The following NRXN1 variants were observed in gnomAD, a reference collection of about 807,000 sequenced individuals.
NRXN1 encodes neurexin 1, also known as neurexin-1.
A neutral mutation model predicts 150.9 loss-of-function variants in NRXN1; 39 were observed. The observed-to-expected ratio is 0.26, with a 90% CI of 0.20 to 0.34. NRXN1 has a LOEUF of 0.34. Among genes scored for constraint, NRXN1 ranks in the 10% least tolerant of loss-of-function variants. The pLI is 1.00. For missense variants in NRXN1, 1,815 were observed against 1,949.9 expected (o/e 0.93, Z 1.30); for synonymous variants, 924 against 757.0 (o/e 1.22, Z -3.62).
intron 21 of NRXN1, among the ~76,000 whole-genome samples, chr2:50,031,199 T>C (rs1319247359): frequency 3.3e-5 from 5 of 152,052 alleles, no homozygotes; most frequent in Admixed American, 3.3e-4. Flanking sequence ...GACTAAAGTA[T>C]ACAATTTTAT....
At chr2:50,803,999 C>T (rs1035882647) in intron 5 of NRXN1, among the ~76,000 whole-genome samples, 7 of 152,126 alleles carry the variant, frequency 4.6e-5, no homozygotes, top group Non-Finnish European at 8.8e-5. Flanking sequence ...TGGGTCAACA[C>T]TTAAAGTATA....
intron 19 of NRXN1, among the ~76,000 whole-genome samples, chr2:50,068,062 G>A (rs564954581): frequency 4.6e-5 from 7 of 152,242 alleles, no homozygotes; most frequent in Admixed American, 3.9e-4. Context: ...ATGGAACTGC[G>A]AAAGTTCCCT....
chr2:49,989,291 T>C (rs1161263039), intron 21 of NRXN1, among the ~76,000 whole-genome samples: 2 of 152,186 alleles, frequency 1.3e-5, no homozygotes, highest in African/African-American at 4.8e-5. Flanking sequence ...TTATTAAATT[T>C]CCATGTCAAA....
At chr2:50,160,402 A>G (rs1301708242) in intron 18 of NRXN1, among the ~76,000 whole-genome samples, 1 of 151,996 alleles carries the variant, frequency 6.6e-6, no homozygotes, top group African/African-American at 2.4e-5. Context: ...TTAGCTGGGC[A>G]TGGTGATGCA....
In NRXN1 at chr2:50,623,601, T is replaced by C. The variant is rs748218169; in HGVS notation, c.847A>G (p.Ile283Val). The change falls in exon 6 of 23, where the codon ATT becomes GTT. Residue 283 changes from isoleucine (I) to valine (V), a missense_variant. This residue lies in a region of NRXN1 where 554 missense variants were observed against 478.8 expected (regional missense o/e 1.16). Coordinates refer to ENST00000401669, the MANE Select transcript of NRXN1 (RefSeq NM_001330078.2). ...QGKSKGKEEY[I>V]ATFKGSEYFC... The stretch of plus-strand genomic sequence containing the variant: ...TATTCAGATCCTTTGAACGTGGCAA[T>C]ATATTCTTCTTTTCCTAGAGGAAAA... 2.1e-5 allele frequency: 33 copies of C among 1,609,366 alleles called. No homozygotes were observed. In the Admixed American group the frequency reaches 3.8e-4, roughly 19 times the overall value.
At chr2:50,082,635 T>A (rs1416658962) in intron 19 of NRXN1, among the ~76,000 whole-genome samples, 1 of 152,238 alleles carries the variant, frequency 6.6e-6, no homozygotes, top group African/African-American at 2.4e-5. Context: ...TTTTTATTGA[T>A]TAAATGTTTC....
chr2:50,718,930 T>C (rs1268803932), intron 5 of NRXN1, among the ~76,000 whole-genome samples: 4 of 151,944 alleles, frequency 2.6e-5, no homozygotes, highest in Non-Finnish European at 1.5e-5. Flanking sequence ...AAACCTCTGC[T>C]TTAGGATGCG....
intron 5 of NRXN1, among the ~76,000 whole-genome samples, chr2:50,658,551 C>A (rs1011286660): frequency 6.6e-6 from 1 of 151,820 alleles, no homozygotes; most frequent in African/African-American, 2.4e-5. Context: ...CACTTCCTGG[C>A]AATTTTTCTG....
chr2:50,756,257 C>A (rs578201408), intron 5 of NRXN1, among the ~76,000 whole-genome samples: 1 of 151,720 alleles, frequency 6.6e-6, no homozygotes, highest in Non-Finnish European at 1.5e-5. Flanking sequence ...GGTATGGCTT[C>A]ACCTAAAATA....
chr2:50,964,533 G>T (rs562461397), intron 2 of NRXN1, among the ~76,000 whole-genome samples: 18 of 151,482 alleles, frequency 1.2e-4, no homozygotes, highest in African/African-American at 4.3e-4. Context: ...CTAACTTACA[G>T]ATATTCAGAT....
At chr2:50,066,751 A>C (rs1695426744) in intron 19 of NRXN1, among the ~76,000 whole-genome samples, 1 of 152,228 alleles carries the variant, frequency 6.6e-6, no homozygotes, top group Admixed American at 6.5e-5. Context: ...TGCACTGAAA[A>C]TCGGCAAGAA....
intron 8 of NRXN1, among the ~76,000 whole-genome samples, chr2:50,560,593 C>T (rs557431214): frequency 2.6e-5 from 4 of 152,106 alleles, no homozygotes; most frequent in African/African-American, 7.2e-5. Context: ...CTACCACGCC[C>T]GGTTAATTTT....
chr2:50,862,716 T>G (rs551428817), intron 5 of NRXN1, among the ~76,000 whole-genome samples: 1 of 152,204 alleles, frequency 6.6e-6, no homozygotes, highest in Admixed American at 6.5e-5. Flanking sequence ...CTTTACATAT[T>G]TGCTTTCAAT....
chr2:50,007,628 T>C (rs940711694), intron 21 of NRXN1, among the ~76,000 whole-genome samples: 4 of 152,170 alleles, frequency 2.6e-5, no homozygotes, highest in Non-Finnish European at 4.4e-5. Context: ...ATCCAGTCTA[T>C]CATTGATGGA....
intron 17 of NRXN1, among the ~76,000 whole-genome samples, chr2:50,335,341 T>A (rs1027633711): frequency 3.9e-5 from 6 of 152,286 alleles, no homozygotes; most frequent in Non-Finnish European, 8.8e-5. Context: ...ATGGCCACAG[T>A]AAAGGAAGTG....
intron 18 of NRXN1, among the ~76,000 whole-genome samples, chr2:50,194,120 G>C (rs1288556078): frequency 6.6e-6 from 1 of 152,030 alleles, no homozygotes; most frequent in African/African-American, 2.4e-5. Context: ...AGACCCAGGT[G>C]GTCTGGTTCT....
At chr2:50,078,051 A>G (rs993350660) in intron 19 of NRXN1, among the ~76,000 whole-genome samples, 1 of 152,098 alleles carries the variant, frequency 6.6e-6, no homozygotes, top group Non-Finnish European at 1.5e-5. Context: ...ATCATAATTT[A>G]AATTTTAATA....
At chr2:50,024,762 A>T (rs907718190) in intron 21 of NRXN1, among the ~76,000 whole-genome samples, 2 of 152,040 alleles carry the variant, frequency 1.3e-5, no homozygotes, top group African/African-American at 4.8e-5. Flanking sequence ...TTACAGGTGC[A>T]CACCACCACT....
At chr2:50,587,172 T>A (rs957478831) in intron 8 of NRXN1, among the ~76,000 whole-genome samples, 14 of 152,310 alleles carry the variant, frequency 9.2e-5, no homozygotes, top group African/African-American at 3.4e-4. Flanking sequence ...GATTTCCTCA[T>A]TGGTGAAGCG....
Sources: allele counts gnomAD v4.1 joint callset (sites outside exome capture counted in the v4.1 genomes callset), GRCh38; gene constraint gnomAD v4.1.1; regional missense constraint gnomAD v4.1.1; transcripts MANE v1.5; gene names NCBI Gene and HGNC (gene_info 2026-07-23, HGNC 2026-07-21).